The following PRELID2 variants were observed in gnomAD, a reference collection of about 807,000 sequenced individuals.
PRELID2 encodes the protein PRELI domain-containing protein 2.
Under a neutral mutation model 28.4 loss-of-function variants are expected in PRELID2, and 25 were observed. That is an observed-to-expected ratio of 0.88 (90% confidence interval 0.64 to 1.23). The LOEUF is 1.23. PRELID2 is among the 50% of genes most tolerant of loss of function. The pLI is 0.00. For missense variants in PRELID2, 201 were observed against 214.4 expected (o/e 0.94, Z 0.39); for synonymous variants, 76 against 71.6 (o/e 1.06, Z -0.31).
At chr5:145,657,482 G>C (rs140999891) in intron 1 of PRELID2, among the ~76,000 whole-genome samples, 1 of 152,168 alleles carries the variant, frequency 6.6e-6, no homozygotes, top group East Asian at 1.9e-4. Flanking sequence ...TCAGGAGTTC[G>C]AGACCAACCT....
At chr5:145,571,415 C>A (rs897330878) in intron 1 of PRELID2, among the ~76,000 whole-genome samples, 2 of 152,146 alleles carry the variant, frequency 1.3e-5, no homozygotes, top group Admixed American at 6.6e-5. Flanking sequence ...AAAACAGAGA[C>A]CTTAAGACTT....
At chr5:145,694,591 A>G (rs576516455) in intron 1 of PRELID2, among the ~76,000 whole-genome samples, 2 of 152,192 alleles carry the variant, frequency 1.3e-5, no homozygotes, top group Non-Finnish European at 2.9e-5. Context: ...CACGGTATGA[A>G]GTAAGGTATG....
chr5:145,361,705 T>C, the PRELID2 span, among the ~76,000 whole-genome samples: 1 of 152,284 alleles, frequency 6.6e-6, no homozygotes, highest in South Asian at 2.1e-4. Context: ...ATTTAAAACA[T>C]CCCACAAGGC....
chr5:145,716,385 G>T (rs1057427463), intron 1 of PRELID2, among the ~76,000 whole-genome samples: 7 of 152,164 alleles, frequency 4.6e-5, no homozygotes, highest in Admixed American at 2.0e-4. Flanking sequence ...AGAAATCGTG[G>T]TGAGCTACCA....
At chr5:145,440,594 C>T in the PRELID2 span, among the ~76,000 whole-genome samples, 1 of 152,030 alleles carries the variant, frequency 6.6e-6, no homozygotes, top group African/African-American at 2.4e-5. Flanking sequence ...TCAGACCTCC[C>T]TTCCTTTGCT....
chr5:145,464,599 C>G, the PRELID2 span, among the ~76,000 whole-genome samples: 5 of 152,194 alleles, frequency 3.3e-5, no homozygotes, highest in Non-Finnish European at 5.9e-5. Context: ...TCACCTTCTA[C>G]AGACCTTTTA....
chr5:145,419,126 T>A, the PRELID2 span, among the ~76,000 whole-genome samples: 1 of 150,426 alleles, frequency 6.6e-6, no homozygotes, highest in Non-Finnish European at 1.5e-5. Flanking sequence ...ATCCAGTCTA[T>A]CATTGTTGGA....
chr5:145,371,512 C>T, the PRELID2 span, among the ~76,000 whole-genome samples: 1 of 151,990 alleles, frequency 6.6e-6, no homozygotes, highest in Non-Finnish European at 1.5e-5. Context: ...ATTTGGTTTG[C>T]CAGTATTTTA....
the PRELID2 span, among the ~76,000 whole-genome samples, chr5:145,253,009 T>A: frequency 6.6e-6 from 1 of 152,134 alleles, no homozygotes; most frequent in Non-Finnish European, 1.5e-5. Context: ...TTAAGATTGA[T>A]AGAAATTATT....
At chr5:145,565,856 T>C (rs1364679035) in intron 1 of PRELID2, among the ~76,000 whole-genome samples, 1 of 152,216 alleles carries the variant, frequency 6.6e-6, no homozygotes, top group Admixed American at 6.5e-5. Context: ...TTAAGTTTCA[T>C]TGGCTCATGT....
chr5:145,320,755 A>G, the PRELID2 span, among the ~76,000 whole-genome samples: 1 of 152,194 alleles, frequency 6.6e-6, no homozygotes, highest in Non-Finnish European at 1.5e-5. Context: ...AAAGACTGAA[A>G]AAAATATGTG....
chr5:145,607,141 T>G (rs376443166), intron 1 of PRELID2, among the ~76,000 whole-genome samples: 3 of 152,262 alleles, frequency 2.0e-5, no homozygotes, highest in South Asian at 4.1e-4. Context: ...CTTTTTTACT[T>G]TATTAGACCA....
the PRELID2 span, among the ~76,000 whole-genome samples, chr5:145,251,930 C>G: frequency 6.6e-6 from 1 of 152,124 alleles, no homozygotes; most frequent in Non-Finnish European, 1.5e-5. Context: ...CCCTTTCCCT[C>G]TTGTCTCAAC....
chr5:145,530,419 T>C (rs1752645972), intron 1 of PRELID2, among the ~76,000 whole-genome samples: 3 of 152,042 alleles, frequency 2.0e-5, no homozygotes, highest in Admixed American at 6.6e-5. Flanking sequence ...CACAGGGGCA[T>C]TGTTTAACCT....
At chr5:145,654,682 T>G (rs1328986765) in intron 1 of PRELID2, among the ~76,000 whole-genome samples, 2 of 152,112 alleles carry the variant, frequency 1.3e-5, no homozygotes, top group South Asian at 2.1e-4. Context: ...GAAAAGGCCT[T>G]TGACAAAATT....
chr5:145,763,976 T>C (rs1393964198), intron 6 of PRELID2, among the ~76,000 whole-genome samples: 2 of 151,960 alleles, frequency 1.3e-5, no homozygotes, highest in African/African-American at 4.8e-5. Flanking sequence ...CTCGGGAGAC[T>C]GAAGCAGGAG....
chr5:145,460,352 T>C, the PRELID2 span, among the ~76,000 whole-genome samples: 3 of 152,346 alleles, frequency 2.0e-5, no homozygotes, highest in South Asian at 6.2e-4. Context: ...ATATAGAACA[T>C]GTATTTTTAG....
At chr5:145,364,240 C>T in the PRELID2 span, among the ~76,000 whole-genome samples, 1 of 151,948 alleles carries the variant, frequency 6.6e-6, no homozygotes, top group Non-Finnish European at 1.5e-5. Context: ...GAAATGCTTT[C>T]TCTGTCCACA....
the PRELID2 span, among the ~76,000 whole-genome samples, chr5:145,374,095 T>A: frequency 6.6e-6 from 1 of 151,492 alleles, no homozygotes; most frequent in Non-Finnish European, 1.5e-5. Flanking sequence ...CTTTATATTT[T>A]GGTGTGTTTT....
Sources: allele counts gnomAD v4.1 joint callset (sites outside exome capture counted in the v4.1 genomes callset), GRCh38; gene constraint gnomAD v4.1.1; transcripts MANE v1.5; gene names NCBI Gene and HGNC (gene_info 2026-07-23, HGNC 2026-07-21).